DLC1: variants seen among roughly 807,000 people sequenced by gnomAD.
The protein encoded by DLC1 is rho GTPase-activating protein 7.
Under a neutral mutation model 140.3 loss-of-function variants are expected in DLC1, and 54 were observed. That is an observed-to-expected ratio of 0.38 (90% confidence interval 0.31 to 0.48). The LOEUF (loss-of-function observed/expected upper bound fraction) is 0.48. Among genes scored for constraint, DLC1 ranks in the 20% least tolerant of loss-of-function variants. The pLI is 0.96. For missense variants in DLC1, 2,536 were observed against 1,907.0 expected (o/e 1.33, Z -6.14); for synonymous variants, 986 against 728.1 (o/e 1.35, Z -5.70).
intron 2 of DLC1, among the ~76,000 whole-genome samples, chr8:13,496,634 G>A (rs1801517313): frequency 6.6e-6 from 1 of 151,664 alleles, no homozygotes; most frequent in Non-Finnish European, 1.5e-5. Flanking sequence ...AGATTTGGCT[G>A]TCTATACATA....
intron 4 of DLC1, among the ~76,000 whole-genome samples, chr8:13,347,399 A>T (rs1834396683): frequency 6.6e-6 from 1 of 152,284 alleles, no homozygotes; most frequent in South Asian, 2.1e-4. Context: ...GAGCTCAAGG[A>T]TGTGCAGGTG....
chr8:13,328,034 GA>G (rs1247674790), intron 4 of DLC1, among the ~76,000 whole-genome samples: 1 of 152,164 alleles, frequency 6.6e-6, no homozygotes, highest in African/African-American at 2.4e-5. Flanking sequence ...TCTTAAAATA[GA>G]AAAGACTAGC....
rs1007901548 is a variant in DLC1, at chr8:13,166,462, T to C, written c.1349-50805A>G. Among the ~76,000 whole-genome samples, 9 of 152,122 alleles carry C rather than the reference T, an allele frequency of 5.9e-5. No individual in the cohort carries two copies. The South Asian group carries it at 8.3e-4, about 14-fold the overall frequency. Reference sequence around the variant, plus strand: ...TTCAAGCTATTCTCCTGCCTCAACCTCCCAAGTAGCTGGGATTACAGGTGT... The same window carrying C: ...TTCAAGCTATTCTCCTGCCTCAACCCCCCAAGTAGCTGGGATTACAGGTGT... On this transcript the variant is annotated intron_variant, in intron 5 of 17. Transcript: ENST00000276297.
At chr8:13,370,948 G>A (rs921164903) in intron 4 of DLC1, among the ~76,000 whole-genome samples, 1 of 152,166 alleles carries the variant, frequency 6.6e-6, no homozygotes, top group East Asian at 1.9e-4. Flanking sequence ...GGGAACTGCA[G>A]TGTTTAATGG....
Position 13,085,776 on chromosome 8 carries a change from C to A in DLC1, c.*35G>T. ...CTGGCAAAAGTTCTAGAAACAAACA[C>A]CATGGTGGTGGAAGCGGTTGCGTTG... On this transcript the variant is annotated 3_prime_UTR_variant, in exon 18 of 18. Coordinates refer to ENST00000276297, the MANE Select transcript of DLC1 (RefSeq NM_182643.3). 1 of 1,613,584 alleles carries A rather than the reference C, an allele frequency of 6.2e-7. No homozygotes were observed. The highest frequency in any genetic ancestry group is 8.5e-7 in the Non-Finnish European group (1 of 1,179,694).
At chr8:13,276,837 C>T (rs1287742404) in intron 5 of DLC1, 4 of 157,340 alleles carry the variant, frequency 2.5e-5, no homozygotes, top group African/African-American at 9.6e-5. Context: ...TGGCAGGTGG[C>T]CTTGTCTTTA....
At chr8:13,387,762 T>C (rs1483740676) in intron 4 of DLC1, among the ~76,000 whole-genome samples, 2 of 152,084 alleles carry the variant, frequency 1.3e-5, no homozygotes, top group African/African-American at 4.8e-5. Context: ...TATAGCCTAA[T>C]TTATTGCAAA....
At chr8:13,310,639 T>A (rs1832634517) in intron 4 of DLC1, among the ~76,000 whole-genome samples, 1 of 152,232 alleles carries the variant, frequency 6.6e-6, no homozygotes, top group South Asian at 2.1e-4. Context: ...TTTCATCTCT[T>A]CTTCATTTAA....
intron 4 of DLC1, among the ~76,000 whole-genome samples, chr8:13,355,171 GTTAC>G (rs1834872664): frequency 1.0e-5 from 1 of 98,972 alleles, no homozygotes; most frequent in African/African-American, 3.6e-5. Flanking sequence ...AATAGACTTT[GTTAC>G]TTAAACTAAA....
chr8:13,477,612 A>G (rs1170087226), intron 2 of DLC1, among the ~76,000 whole-genome samples: 1 of 152,260 alleles, frequency 6.6e-6, no homozygotes, highest in Admixed American at 6.5e-5. Flanking sequence ...GGAAGATTAA[A>G]TCTGATTAGA....
chr8:13,220,269 TG>T (rs1828476625), intron 5 of DLC1, among the ~76,000 whole-genome samples: 1 of 152,132 alleles, frequency 6.6e-6, no homozygotes, highest in Admixed American at 6.5e-5. Context: ...TTGAAGAAGG[TG>T]GGCTTCTGAG....
intron 2 of DLC1, among the ~76,000 whole-genome samples, chr8:13,456,626 T>C (rs1274480569): frequency 6.6e-6 from 1 of 152,004 alleles, no homozygotes; most frequent in African/African-American, 2.4e-5. Context: ...GCCTGGGTAA[T>C]TTTTGTATTT....
intron 1 of DLC1, among the ~76,000 whole-genome samples, chr8:13,507,077 C>A (rs1802128371): frequency 6.6e-6 from 1 of 152,126 alleles, no homozygotes; most frequent in Non-Finnish European, 1.5e-5. Context: ...TAATATAGTT[C>A]TTCAACTCAT....
intron 16 of DLC1, 103 bp from the exon 17 acceptor site, chr8:13,086,566 C>T (rs1232561037): frequency 4.4e-6 from 6 of 1,356,802 alleles, no homozygotes; most frequent in South Asian, 4.1e-5. Flanking sequence ...ACGGGTCAGG[C>T]TCAGTGGCCA....
chr8:13,542,650 G>C (rs763193300), intron 1 of DLC1, among the ~76,000 whole-genome samples: 20 of 151,996 alleles, frequency 1.3e-4, no homozygotes, highest in Non-Finnish European at 2.8e-4. Context: ...CATTTATTTA[G>C]ATCTTTTTAA....
rs770655474 is a variant in DLC1 at position 13,100,067 on chromosome 8, C to T, written c.2270G>A (p.Ser757Asn). 1.2e-6 allele frequency: 2 copies of T among 1,613,472 alleles called. No individual in the cohort carries two copies. The highest frequency in any genetic ancestry group is 1.7e-6 in the Non-Finnish European group (2 of 1,180,038). ...SETSSAVSTP[S>N]PVTRTRSLSA... ...GAGGCTCCGGGTCCTCGTAACAGGG[C>T]TGGGCGTGCTGACCGCGCTGCTGGT... The change falls in exon 9 of 18, where the codon AGC becomes AAC. Residue 757 changes from serine (S) to asparagine (N), a missense_variant. Ser to Asn is a conservative substitution (Grantham distance 46). Transcript: ENST00000276297.
At chr8:13,601,293 A>G (rs1440955881) in intron 1 of DLC1, among the ~76,000 whole-genome samples, 1 of 151,778 alleles carries the variant, frequency 6.6e-6, no homozygotes, top group South Asian at 2.1e-4. Context: ...CTCAAATTCC[A>G]GTCTTCCAGT....
chr8:13,090,612 T>G (rs953604054), intron 14 of DLC1, 142 bp from the exon 15 acceptor site: 1 of 838,458 alleles, frequency 1.2e-6, no homozygotes. Context: ...TGGGCTATCA[T>G]GCTGACCGCA....
chr8:13,091,843 A>T (rs915271707), intron 13 of DLC1, among the ~76,000 whole-genome samples: 1 of 152,136 alleles, frequency 6.6e-6, no homozygotes, highest in African/African-American at 2.4e-5. Context: ...GTGAGGGCTA[A>T]GTCCATTGTT....
Sources: allele counts gnomAD v4.1 joint callset (sites outside exome capture counted in the v4.1 genomes callset), GRCh38; gene constraint gnomAD v4.1.1; transcripts MANE v1.5; gene names NCBI Gene and HGNC (gene_info 2026-07-23, HGNC 2026-07-21).